Variants in KCNA6 observed in about 807,000 individuals in gnomAD.
The protein encoded by KCNA6 is potassium voltage-gated channel subfamily A member 6.
A neutral mutation model predicts 29.5 loss-of-function variants in KCNA6; 17 were observed. The observed-to-expected ratio is 0.58, with a 90% CI of 0.39 to 0.86. The LOEUF (loss-of-function observed/expected upper bound fraction) is 0.86. Among genes scored for constraint, KCNA6 ranks in the 40% least tolerant of loss-of-function variants. The pLI is 0.00. For missense variants in KCNA6, 450 were observed against 703.4 expected, an observed-to-expected ratio of 0.64 and a Z score of 4.07; for synonymous variants, 296 against 304.7, an observed-to-expected ratio of 0.97 and a Z score of 0.30.
At position 4,810,483 on chromosome 12, in the gene KCNA6, G is replaced by A; in HGVS notation, c.442G>A (p.Glu148Lys). The A allele has an allele frequency of 3.7e-6, 6 of 1,614,144 alleles. No homozygotes were observed. The South Asian group carries it at 5.5e-5, about 15-fold the overall frequency. The change falls in exon 1 of 1, where the codon GAG becomes AAG. Residue 148 changes from glutamate (E) to lysine (K), a missense_variant. By Grantham distance (56) the Glu-to-Lys change is moderately conservative (BLOSUM62 1). This residue lies in a region of KCNA6 where 133 missense variants were observed against 217.5 expected (regional missense o/e 0.61). Coordinates refer to ENST00000280684, the Ensembl canonical transcript of KCNA6. The surrounding 1 kb of genome is among the most constrained non-coding windows in gnomAD (Gnocchi z 7.5). ...CTGCCTGCCCGAAGGTGGCGAGGACGAGAAGCCGCTGCCCTCCCAGCCCTT... is the reference window on the plus strand; with the variant it reads ...CTGCCTGCCCGAAGGTGGCGAGGACAAGAAGCCGCTGCCCTCCCAGCCCTT...
Position 4,810,007 on chromosome 12 carries a change from C to T in KCNA6, c.-35C>T, listed in dbSNP as rs375552005. 55 of 1,502,528 alleles carry T rather than the reference C, an allele frequency of 3.7e-5. 1 individual carries two copies. The African/African-American group carries it at 5.7e-4, about 16-fold the overall frequency. 93.1% of individuals were successfully genotyped at this position (1,502,528 alleles called of 1,614,324 possible). On this transcript the variant is annotated 5_prime_UTR_variant, in exon 1 of 1. Transcript: ENST00000280684. This position sits in a 1 kb window ranked among gnomAD's most constrained non-coding sequence, Gnocchi z 7.5. ...GCTCCAGAGATTGTGTCGTGGGCGC[C>T]GTCCTAGTGGCGGGGAGCGCACCTC...
the KCNA6 span, among the ~76,000 whole-genome samples, chr12:4,845,984 GTTT>G: frequency 2.7e-4 from 35 of 129,462 alleles, no homozygotes; most frequent in Middle Eastern, 4.0e-3. Flanking sequence ...GAATTTTAGA[GTTT>G]TTTTTTTTTT....
the KCNA6 span, among the ~76,000 whole-genome samples, chr12:4,834,517 TG>T: frequency 6.6e-6 from 1 of 152,214 alleles, no homozygotes; most frequent in Admixed American, 6.5e-5. Context: ...TGAAGTACAA[TG>T]GTGGTAAATG....
At chr12:4,820,025 C>T in the KCNA6 span, among the ~76,000 whole-genome samples, 1 of 152,084 alleles carries the variant, frequency 6.6e-6, no homozygotes, top group African/African-American at 2.4e-5. Flanking sequence ...AGAGTGGGGC[C>T]GAAACTACCT....
At chr12:4,817,287 C>T (rs192029829), downstream of KCNA6, among the ~76,000 whole-genome samples, 301 of 152,304 alleles carry the variant, frequency 2.0e-3, 4 homozygotes, top group Middle Eastern at 3.4e-3. Flanking sequence ...GGGTCTGGAG[C>T]TTGGCAGTTG....
the KCNA6 span, among the ~76,000 whole-genome samples, chr12:4,832,759 C>A: frequency 1.3e-5 from 2 of 152,166 alleles, no homozygotes; most frequent in African/African-American, 4.8e-5. Flanking sequence ...GACTCGAAAT[C>A]CTAAATCTCC....
the KCNA6 span, among the ~76,000 whole-genome samples, chr12:4,840,219 C>CTA: frequency 0.04 from 1,042 of 26,302 alleles, 12 homozygotes; most frequent in South Asian, 0.073. Context: ...ATCTATCTAT[C>CTA]TATCTATCTA....
At chr12:4,830,263 C>T in the KCNA6 span, among the ~76,000 whole-genome samples, 1 of 152,236 alleles carries the variant, frequency 6.6e-6, no homozygotes, top group African/African-American at 2.4e-5. Flanking sequence ...AGGACAGAGA[C>T]GTGCTGCCCC....
chr12:4,834,962 T>C, the KCNA6 span, among the ~76,000 whole-genome samples: 1 of 152,008 alleles, frequency 6.6e-6, no homozygotes, highest in African/African-American at 2.4e-5. Flanking sequence ...AGCAAGCTGG[T>C]TTTGAGGACT....
rs1410308281 is a variant in KCNA6 at position 4,810,137 on chromosome 12, C to T, written c.96C>T (p.Gly32=). 2 of 1,599,596 alleles carry T rather than the reference C, an allele frequency of 1.3e-6. No homozygotes were observed. The highest frequency in any genetic ancestry group is 8.5e-7 in the Non-Finnish European group (1 of 1,173,632). Residue 32 remains glycine (G), a synonymous_variant, in exon 1 of 1, where the codon GGC becomes GGT. Coordinates refer to ENST00000280684, the Ensembl canonical transcript of KCNA6. The surrounding 1 kb of genome is among the most constrained non-coding windows in gnomAD (Gnocchi z 7.5). ...ATGCGGGAGACTTCCCGGAGGCCGG[C>T]GGGGGCGGGGGCTGCTGTAGTAGCG...
At chr12:4,834,665 A>T in the KCNA6 span, among the ~76,000 whole-genome samples, 1 of 152,272 alleles carries the variant, frequency 6.6e-6, no homozygotes, top group South Asian at 2.1e-4. Flanking sequence ...GTACCACTTT[A>T]TTAGTATCTA....
the KCNA6 span, among the ~76,000 whole-genome samples, chr12:4,835,543 C>T: frequency 6.6e-6 from 1 of 152,100 alleles, no homozygotes; most frequent in Admixed American, 6.5e-5. Flanking sequence ...CCTTTACCTT[C>T]CCTTCAGCAG....
downstream of KCNA6, among the ~76,000 whole-genome samples, chr12:4,816,689 T>G (rs4494371): frequency 8.5e-3 from 1,295 of 152,294 alleles, 16 homozygotes; most frequent in African/African-American, 0.031. Context: ...CATAAAGGTT[T>G]TATTTTCCCT....
chr12:4,828,227 T>C, the KCNA6 span, among the ~76,000 whole-genome samples: 2 of 152,190 alleles, frequency 1.3e-5, no homozygotes, highest in African/African-American at 4.8e-5. Flanking sequence ...GTGTTGGAAC[T>C]TGGTTGTATT....
At chr12:4,830,555 C>G in the KCNA6 span, among the ~76,000 whole-genome samples, 1 of 152,230 alleles carries the variant, frequency 6.6e-6, no homozygotes, top group East Asian at 1.9e-4. Context: ...AACCCGGTAA[C>G]GGCATCTGCC....
chr12:4,843,856 C>A, the KCNA6 span, among the ~76,000 whole-genome samples: 1 of 152,084 alleles, frequency 6.6e-6, no homozygotes, highest in Non-Finnish European at 1.5e-5. Context: ...CATGAGAACT[C>A]CACCCCCATT....
chr12:4,810,525 C>T lies in KCNA6; in HGVS notation c.484C>T (p.Leu162=), dbSNP rs138556385. The T allele has an allele frequency of 6.2e-5, 100 of 1,614,188 alleles. No individual in the cohort carries two copies. The African/African-American group carries it at 1.2e-3, about 20-fold the overall frequency. The change falls in exon 1 of 1, where the codon CTG becomes TTG. Residue 162 remains leucine, a synonymous_variant. Coordinates refer to ENST00000280684, the Ensembl canonical transcript of KCNA6. This position sits in a 1 kb window ranked among gnomAD's most constrained non-coding sequence, Gnocchi z 7.5. The stretch of plus-strand genomic sequence containing the variant: ...CCAGCCCTTCCAGCGCCAGGTGTGG[C>T]TGCTCTTTGAGTACCCAGAGAGCTC...
chr12:4,810,455 G>A lies in KCNA6; in HGVS notation c.414G>A (p.Glu138=), dbSNP rs768734263. ...CCCTGGCGGCCTTCCGGGAGGACGA[G>A]GGCTGCCTGCCCGAAGGTGGCGAGG... is the stretch of plus-strand genomic sequence containing the variant. The change falls in exon 1 of 1, where the codon GAG becomes GAA. Residue 138 remains glutamate, a synonymous_variant. Coordinates refer to ENST00000280684, the Ensembl canonical transcript of KCNA6. The surrounding 1 kb of genome is among the most constrained non-coding windows in gnomAD (Gnocchi z 7.5). The A allele has an allele frequency of 2.2e-5, 36 of 1,613,988 alleles. No homozygotes were observed. The highest frequency in any genetic ancestry group is 1.2e-4 in the South Asian group (11 of 91,078).
the KCNA6 span, among the ~76,000 whole-genome samples, chr12:4,820,185 C>T: frequency 6.6e-6 from 1 of 152,294 alleles, no homozygotes; most frequent in Non-Finnish European, 1.5e-5. Context: ...AGCAGAATTT[C>T]TTTAAATAAT....
Sources: allele counts gnomAD v4.1 joint callset (sites outside exome capture counted in the v4.1 genomes callset), GRCh38; gene constraint gnomAD v4.1.1; regional missense constraint gnomAD v4.1.1; non-coding constraint Gnocchi (gnomAD v3.1); transcripts MANE v1.5; gene names NCBI Gene and HGNC (gene_info 2026-07-23, HGNC 2026-07-21).